Variants in CDH4 observed in about 807,000 individuals in gnomAD.
CDH4 encodes cadherin 4, also known as cadherin-4.
In CDH4, 33 loss-of-function variants were observed where a neutral mutation model predicts 86.0. The observed-to-expected ratio is 0.38, with a 90% CI of 0.29 to 0.51. CDH4 has a LOEUF of 0.51. Among genes scored for constraint, CDH4 ranks in the 20% least tolerant of loss-of-function variants. The probability of loss-of-function intolerance (pLI) is 0.86; values close to 1 mark genes in which losing one functional copy is unlikely to be tolerated. For synonymous variants in CDH4, 555 were observed against 549.4 expected (o/e 1.01, Z -0.14); for missense variants, 1,114 against 1,307.4 (o/e 0.85, Z 2.28).
chr20:61,571,801 C>A (rs1326870916), intron 2 of CDH4, among the ~76,000 whole-genome samples: 1 of 148,782 alleles, frequency 6.7e-6, no homozygotes, highest in Non-Finnish European at 1.5e-5. Context: ...CCCCTCCCTG[C>A]CCCCAGATCC....
intron 2 of CDH4, among the ~76,000 whole-genome samples, chr20:61,357,433 C>T (rs2084757245): frequency 6.6e-6 from 1 of 152,228 alleles, no homozygotes; most frequent in African/African-American, 2.4e-5. Flanking sequence ...GTTGGGAAAC[C>T]TCTGGGTTTC....
At chr20:61,933,407 C>T (rs974043611) in intron 14 of CDH4, among the ~76,000 whole-genome samples, 13 of 152,186 alleles carry the variant, frequency 8.5e-5, no homozygotes, top group Admixed American at 2.6e-4. Context: ...GAGGGGGCTC[C>T]GGGTTGGCCA....
intron 12 of CDH4, 27 bp downstream of exon 12, chr20:61,928,450 G>A (rs747221243): frequency 6.3e-7 from 1 of 1,599,274 alleles, no homozygotes; most frequent in Non-Finnish European, 8.5e-7. Flanking sequence ...CCACGGGGAG[G>A]GTCAGACTAG....
intron 2 of CDH4, among the ~76,000 whole-genome samples, chr20:61,677,013 G>A (rs1357648033): frequency 6.6e-6 from 1 of 152,186 alleles, no homozygotes; most frequent in African/African-American, 2.4e-5. Flanking sequence ...GGAGGGTGCT[G>A]AGGACCAGAC....
chr20:61,284,971 C>T (rs952624128), intron 2 of CDH4, among the ~76,000 whole-genome samples: 2 of 152,212 alleles, frequency 1.3e-5, no homozygotes, highest in African/African-American at 4.8e-5. Flanking sequence ...GGGCCTTGAG[C>T]TGTGGTTTGT....
chr20:61,934,570 G>A (rs568015895), intron 15 of CDH4, among the ~76,000 whole-genome samples: 1 of 152,352 alleles, frequency 6.6e-6, no homozygotes, highest in South Asian at 2.1e-4. Flanking sequence ...GGCGACGGCG[G>A]GGAAGGCGCA....
chr20:61,564,800 C>T (rs1216383889), intron 2 of CDH4, among the ~76,000 whole-genome samples: 1 of 152,118 alleles, frequency 6.6e-6, no homozygotes, highest in Non-Finnish European at 1.5e-5. Context: ...TGAGAGTGGA[C>T]ATAGCCCTCC....
At chr20:61,327,387 G>A (rs1240601569) in intron 2 of CDH4, among the ~76,000 whole-genome samples, 1 of 152,184 alleles carries the variant, frequency 6.6e-6, no homozygotes, top group East Asian at 1.9e-4. Context: ...TGGAGGTTGG[G>A]GATGTTGAAG....
chr20:61,658,903 G>T (rs1043418743), intron 2 of CDH4, among the ~76,000 whole-genome samples: 6 of 152,246 alleles, frequency 3.9e-5, no homozygotes, highest in African/African-American at 1.4e-4. Flanking sequence ...TGCGGAGAAG[G>T]TGTCCCCACA....
At chr20:61,407,119 G>A (rs941627659) in intron 2 of CDH4, among the ~76,000 whole-genome samples, 4 of 152,250 alleles carry the variant, frequency 2.6e-5, no homozygotes, top group African/African-American at 9.6e-5. Flanking sequence ...ACCAAGCAAA[G>A]ATGTACCACT....
chr20:61,720,462 G>A (rs2088025179), intron 2 of CDH4, among the ~76,000 whole-genome samples: 2 of 149,534 alleles, frequency 1.3e-5, no homozygotes, highest in South Asian at 4.3e-4. Flanking sequence ...GAGTGGAGGG[G>A]TGAAGGGGTG....
chr20:61,887,996 A>G (rs1984623682), intron 7 of CDH4, among the ~76,000 whole-genome samples: 1 of 152,196 alleles, frequency 6.6e-6, no homozygotes, highest in South Asian at 2.1e-4. Flanking sequence ...TGCAGCTTCA[A>G]TTTCCAAATC....
intron 2 of CDH4, among the ~76,000 whole-genome samples, chr20:61,712,692 G>T (rs1023903177): frequency 6.6e-6 from 1 of 152,234 alleles, no homozygotes. Context: ...CAAAGTCAGG[G>T]TATGAGTGCC....
intron 13 of CDH4, 38 bp downstream of exon 13, chr20:61,929,880 G>A: frequency 6.6e-7 from 1 of 1,511,806 alleles, no homozygotes; most frequent in Non-Finnish European, 9.2e-7. Flanking sequence ...CAGGGGCATT[G>A]TGGGTATGAG....
At chr20:61,411,911 C>G (rs1453501228) in intron 2 of CDH4, among the ~76,000 whole-genome samples, 2 of 152,212 alleles carry the variant, frequency 1.3e-5, no homozygotes, top group African/African-American at 2.4e-5. Flanking sequence ...CAACAGGGGA[C>G]TGGGTGAGGC....
intron 7 of CDH4, among the ~76,000 whole-genome samples, chr20:61,876,731 G>A (rs1008584924): frequency 1.3e-5 from 2 of 152,182 alleles, no homozygotes; most frequent in African/African-American, 4.8e-5. Context: ...TTTCCAGTGG[G>A]GTTGAGGGGG....
rs568536528 is a variant in CDH4, at chr20:61,705,331, G to A, written c.170-38232G>A. Among the ~76,000 whole-genome samples the A allele has an allele frequency of 1.8e-4, 28 of 152,352 alleles. No homozygotes were observed. In the East Asian group the frequency reaches 5.2e-3, roughly 28 times the overall value. On this transcript the variant is annotated intron_variant, in intron 2 of 15. Transcript: ENST00000614565. Reference sequence around the variant, plus strand: ...CCTTCCACCTGGCGGGGGAGATGGTGTACAACAGCCGATCTGGGGGACCAG... The same window carrying A: ...CCTTCCACCTGGCGGGGGAGATGGTATACAACAGCCGATCTGGGGGACCAG...
intron 6 of CDH4, among the ~76,000 whole-genome samples, chr20:61,855,011 C>T (rs6142687): frequency 2.4e-4 from 18 of 74,810 alleles, no homozygotes; most frequent in East Asian, 4.9e-4. Flanking sequence ...GTGCCCTTGG[C>T]CCACCCCCAG....
At chr20:61,849,757 G>T (rs543733207) in intron 5 of CDH4, among the ~76,000 whole-genome samples, 1 of 152,190 alleles carries the variant, frequency 6.6e-6, no homozygotes, top group East Asian at 1.9e-4. Flanking sequence ...TAGGATGCCC[G>T]CATGCCCTTC....
Sources: allele counts gnomAD v4.1 joint callset (sites outside exome capture counted in the v4.1 genomes callset), GRCh38; gene constraint gnomAD v4.1.1; transcripts MANE v1.5; gene names NCBI Gene and HGNC (gene_info 2026-07-23, HGNC 2026-07-21).